STXBP5L: variants seen among roughly 807,000 people sequenced by gnomAD.
STXBP5L encodes syntaxin-binding protein 5-like.
In STXBP5L, 65 loss-of-function variants were observed where a neutral mutation model predicts 144.5. The ratio of observed to expected loss-of-function variants is 0.45; its 90% CI spans 0.37 to 0.55. STXBP5L has a LOEUF of 0.55. Ranked by LOEUF, STXBP5L falls within the 20% of genes least tolerant of loss-of-function variation. The pLI, the probability that STXBP5L is intolerant of heterozygous loss-of-function variation, is 0.00. For synonymous variants in STXBP5L, 505 were observed against 469.6 expected (o/e 1.08, Z -0.97); for missense variants, 1,298 against 1,405.5 (o/e 0.92, Z 1.22).
intron 2 of STXBP5L, among the ~76,000 whole-genome samples, chr3:120,948,706 C>T (rs986090568): frequency 6.6e-6 from 1 of 151,932 alleles, no homozygotes; most frequent in Non-Finnish European, 1.5e-5. Flanking sequence ...TCTCCAACTC[C>T]ACCCAGGTTT....
chr3:121,153,112 G>T (rs2045987288), intron 8 of STXBP5L, among the ~76,000 whole-genome samples: 1 of 151,976 alleles, frequency 6.6e-6, no homozygotes, highest in African/African-American at 2.4e-5. Flanking sequence ...TAAATGACCA[G>T]ATCTTGAAGT....
intron 20 of STXBP5L, among the ~76,000 whole-genome samples, chr3:121,359,937 T>C (rs2045653757): frequency 8.9e-6 from 1 of 112,470 alleles, no homozygotes; most frequent in East Asian, 2.5e-4. Flanking sequence ...TTAGGATATC[T>C]TTGACTATTC....
chr3:120,921,046 C>A (rs973915320), intron 2 of STXBP5L, among the ~76,000 whole-genome samples: 4 of 151,618 alleles, frequency 2.6e-5, no homozygotes, highest in Non-Finnish European at 4.4e-5. Context: ...TTTTGAGGAA[C>A]CTCCATACAG....
chr3:121,146,084 T>C (rs1003217365), intron 7 of STXBP5L, among the ~76,000 whole-genome samples: 5 of 152,024 alleles, frequency 3.3e-5, no homozygotes, highest in African/African-American at 1.2e-4. Context: ...TCTCAGGCCT[T>C]CAAACACAGA....
At chr3:121,108,011 G>A (rs765571268) in intron 5 of STXBP5L, among the ~76,000 whole-genome samples, 3 of 152,056 alleles carry the variant, frequency 2.0e-5, no homozygotes, top group Non-Finnish European at 1.5e-5. Flanking sequence ...TTGGCTCTCT[G>A]CTTGTCTGTT....
intron 4 of STXBP5L, among the ~76,000 whole-genome samples, chr3:121,042,982 C>T (rs1947263201): frequency 6.6e-6 from 1 of 151,688 alleles, no homozygotes; most frequent in Admixed American, 6.6e-5. Flanking sequence ...TTGCCTTCTG[C>T]ATGGATGTAT....
At chr3:120,964,802 C>T (rs1939351367) in intron 3 of STXBP5L, among the ~76,000 whole-genome samples, 1 of 152,126 alleles carries the variant, frequency 6.6e-6, no homozygotes, top group East Asian at 1.9e-4. Flanking sequence ...TGTTGCAGAT[C>T]TGAGTTCAGG....
chr3:121,348,493 C>T (rs576780915), intron 20 of STXBP5L, among the ~76,000 whole-genome samples: 1 of 152,018 alleles, frequency 6.6e-6, no homozygotes, highest in Non-Finnish European at 1.5e-5. Flanking sequence ...GGGAGGATCC[C>T]CTCTTTTTCT....
intron 3 of STXBP5L, among the ~76,000 whole-genome samples, chr3:120,978,800 A>G (rs958186233): frequency 3.9e-5 from 6 of 152,184 alleles, no homozygotes; most frequent in Non-Finnish European, 7.3e-5. Flanking sequence ...GGAGTTTGCT[A>G]GAGGTCCACT....
intron 14 of STXBP5L, among the ~76,000 whole-genome samples, chr3:121,244,584 A>T (rs2049780460): frequency 6.6e-6 from 1 of 152,134 alleles, no homozygotes; most frequent in South Asian, 2.1e-4. Context: ...AGAAGCTTAA[A>T]CAAGTCCAAT....
intron 18 of STXBP5L, among the ~76,000 whole-genome samples, chr3:121,265,496 C>T (rs186695190): frequency 1.2e-4 from 19 of 152,238 alleles, no homozygotes; most frequent in Middle Eastern, 6.8e-3. Flanking sequence ...ATTTACAGCA[C>T]TAAATGCTTA....
chr3:120,972,394 G>T (rs1940374887), intron 3 of STXBP5L, among the ~76,000 whole-genome samples: 1 of 151,956 alleles, frequency 6.6e-6, no homozygotes, highest in African/African-American at 2.4e-5. Flanking sequence ...TATATAAATG[G>T]TTTTGATTTT....
intron 9 of STXBP5L, among the ~76,000 whole-genome samples, chr3:121,199,130 C>T (rs2048036458): frequency 6.6e-6 from 1 of 152,056 alleles, no homozygotes; most frequent in Non-Finnish European, 1.5e-5. Context: ...CAATTTTTTT[C>T]CGTTTGTTTG....
At chr3:120,958,756 T>A (rs1187638096) in intron 3 of STXBP5L, among the ~76,000 whole-genome samples, 17 of 152,042 alleles carry the variant, frequency 1.1e-4, no homozygotes, top group East Asian at 1.9e-4. Context: ...GACGTATCTC[T>A]AAATAATAAG....
intron 19 of STXBP5L, among the ~76,000 whole-genome samples, chr3:121,302,484 C>T (rs898998796): frequency 6.6e-6 from 1 of 152,062 alleles, no homozygotes; most frequent in South Asian, 2.1e-4. Flanking sequence ...TTGATCTTTT[C>T]CAAAAACCAG....
At chr3:121,402,392 A>G (rs544433564) in intron 22 of STXBP5L, among the ~76,000 whole-genome samples, 4 of 152,326 alleles carry the variant, frequency 2.6e-5, no homozygotes, top group African/African-American at 9.6e-5. Flanking sequence ...TCCAACTTTA[A>G]TATAATTCTT....
chr3:121,328,592 T>C (rs1260973542), intron 20 of STXBP5L, among the ~76,000 whole-genome samples: 1 of 151,904 alleles, frequency 6.6e-6, no homozygotes, highest in Non-Finnish European at 1.5e-5. Flanking sequence ...CTACTAAAAA[T>C]ATAAAAACTT....
intron 3 of STXBP5L, among the ~76,000 whole-genome samples, chr3:121,029,604 T>G (rs1946214903): frequency 6.6e-6 from 1 of 151,986 alleles, no homozygotes; most frequent in Admixed American, 6.6e-5. Context: ...GCAATACCAT[T>G]CAGGACATAG....
intron 2 of STXBP5L, among the ~76,000 whole-genome samples, chr3:120,916,096 T>G (rs931466805): frequency 1.3e-5 from 2 of 152,228 alleles, no homozygotes; most frequent in African/African-American, 4.8e-5. Flanking sequence ...TCACCTATGA[T>G]ATATTCTGGA....
Sources: gnomAD v4.1 joint callset for allele counts (sites outside exome capture counted in the v4.1 genomes callset) on GRCh38, gnomAD v4.1.1 for gene constraint, MANE v1.5 for transcripts, NCBI Gene and HGNC (gene_info 2026-07-23, HGNC 2026-07-21) for gene names.